USP34: variants seen among roughly 807,000 people sequenced by gnomAD.
USP34 encodes ubiquitin specific peptidase 34, also known as ubiquitin carboxyl-terminal hydrolase 34.
In USP34, 70 loss-of-function variants were observed where a neutral mutation model predicts 460.3. The observed-to-expected ratio is 0.15, with a 90% CI of 0.13 to 0.19. The LOEUF (loss-of-function observed/expected upper bound fraction) is 0.19. Among genes scored for constraint, USP34 ranks in the 10% least tolerant of loss-of-function variants. The probability of loss-of-function intolerance (pLI) is 1.00; values close to 1 mark genes in which losing one functional copy is unlikely to be tolerated. For synonymous variants in USP34, 1,647 were observed against 1,405.3 expected (o/e 1.17, Z -3.85); for missense variants, 3,985 against 4,236.2 (o/e 0.94, Z 1.65).
rs975603053 is a variant in USP34, at chr2:61,329,761, G to A, written c.2930+1515C>T. On this transcript the variant is annotated intron_variant, in intron 20 of 79. Coordinates refer to ENST00000398571, the MANE Select transcript of USP34 (RefSeq NM_014709.4). The stretch of plus-strand genomic sequence containing the variant: ...CAATTTGTAGATAACCTATGTGCCA[G>A]GTACAATTCATTGTATCATTTCATT... Among the ~76,000 whole-genome samples, 11 of 152,134 alleles carry A rather than the reference G, an allele frequency of 7.2e-5. No homozygotes were observed. The East Asian group carries it at 1.2e-3, about 16-fold the overall frequency.
At chr2:61,275,680 A>G (rs953086063) in intron 41 of USP34, among the ~76,000 whole-genome samples, 1 of 152,140 alleles carries the variant, frequency 6.6e-6, no homozygotes, top group Non-Finnish European at 1.5e-5. Flanking sequence ...TAGGTGAAAA[A>G]AAGCAAAGTA....
intron 59 of USP34, 101 bp from the exon 60 acceptor site, chr2:61,229,096 G>T: frequency 1.1e-6 from 1 of 906,438 alleles, no homozygotes; most frequent in South Asian, 3.4e-5. Context: ...TTATCTTTGA[G>T]ATAATGAATA....
At chr2:61,223,012 CT>C (rs1558474492) in intron 64 of USP34, 47 bp downstream of exon 64, 1 of 1,515,398 alleles carries the variant, frequency 6.6e-7, no homozygotes, top group Admixed American at 1.9e-5. Flanking sequence ...TCAGGGTATT[CT>C]TTTTTAAAAT....
intron 5 of USP34, among the ~76,000 whole-genome samples, chr2:61,384,578 T>C (rs1318836171): frequency 6.6e-6 from 1 of 151,796 alleles, no homozygotes; most frequent in Non-Finnish European, 1.5e-5. Context: ...GAGGTTGAGG[T>C]GGGAGATTCG....
intron 67 of USP34, among the ~76,000 whole-genome samples, chr2:61,218,435 C>T (rs1687466177): frequency 6.6e-6 from 1 of 151,920 alleles, no homozygotes; most frequent in Non-Finnish European, 1.5e-5. Flanking sequence ...AGAACAATTT[C>T]AATACACCTC....
At chr2:61,221,372 C>T in intron 66 of USP34, 130 bp downstream of exon 66, 1 of 775,012 alleles carries the variant, frequency 1.3e-6, no homozygotes, top group Non-Finnish European at 2.0e-6. Context: ...CTCTTTTCCT[C>T]CCCAAACCTG....
At chr2:61,196,962 T>C (rs1374754525) in intron 75 of USP34, among the ~76,000 whole-genome samples, 1 of 152,218 alleles carries the variant, frequency 6.6e-6, no homozygotes, top group Non-Finnish European at 1.5e-5. Flanking sequence ...CTGTTATAAG[T>C]ATCTCTATTT....
intron 48 of USP34, among the ~76,000 whole-genome samples, chr2:61,252,551 T>A (rs1688615089): frequency 6.6e-6 from 1 of 152,184 alleles, no homozygotes; most frequent in African/African-American, 2.4e-5. Flanking sequence ...CCACTGCACA[T>A]AAATATCAAA....
At chr2:61,449,577 C>T (rs1295061781) in intron 1 of USP34, among the ~76,000 whole-genome samples, 2 of 151,120 alleles carry the variant, frequency 1.3e-5, no homozygotes, top group South Asian at 2.1e-4. Context: ...TATTACAAAG[C>T]CACAGCAATC....
intron 29 of USP34, among the ~76,000 whole-genome samples, chr2:61,298,752 T>C (rs1166955895): frequency 6.6e-6 from 1 of 151,254 alleles, no homozygotes; most frequent in Non-Finnish European, 1.5e-5. Flanking sequence ...CTCATTTTGC[T>C]GCTTAAAACC....
chr2:61,263,305 C>G (rs111550068), intron 43 of USP34, among the ~76,000 whole-genome samples: 4 of 151,624 alleles, frequency 2.6e-5, no homozygotes, highest in African/African-American at 9.7e-5. Context: ...CTCTGACTCC[C>G]AAGTAGCTGG....
chr2:61,276,742 G>C (rs980157849), intron 41 of USP34, among the ~76,000 whole-genome samples: 3 of 152,126 alleles, frequency 2.0e-5, no homozygotes, highest in African/African-American at 4.8e-5. Flanking sequence ...TTTCCAGTGA[G>C]TCTAATGGAA....
intron 1 of USP34, among the ~76,000 whole-genome samples, chr2:61,457,075 A>C: frequency 6.6e-6 from 1 of 152,066 alleles, no homozygotes; most frequent in East Asian, 1.9e-4. Context: ...CAGGAGTTCA[A>C]GACCAGCCTG....
chr2:61,293,490 G>T lies in USP34; in HGVS notation c.4522C>A (p.Pro1508Thr). 2 of 1,612,724 alleles carry T rather than the reference G, an allele frequency of 1.2e-6. No individual in the cohort carries two copies. Among genetic ancestry groups the T allele is most frequent in the Non-Finnish European group, 1.7e-6 (2 of 1,179,326 alleles). Residue 1508 changes from proline to threonine, a missense_variant, in exon 33 of 80, where the codon CCT becomes ACT. Pro to Thr is a conservative substitution (Grantham distance 38, BLOSUM62 -1). Coordinates refer to ENST00000398571, the MANE Select transcript of USP34 (RefSeq NM_014709.4). ...ACAGTCCATGATTCCTGCTCTTTAGGCTCTAGAATTCCAGAATTAAAAATT... is the reference window on the plus strand; with the variant it reads ...ACAGTCCATGATTCCTGCTCTTTAGTCTCTAGAATTCCAGAATTAAAAATT... ...LEIFNSGILE[P>T]KEQESWTVWQ...
In USP34 at chr2:61,248,544, C is replaced by G; in HGVS notation, c.6361G>C (p.Asp2121His). 2 of 1,582,118 alleles carry G rather than the reference C, an allele frequency of 1.3e-6. No individual in the cohort carries two copies. Among genetic ancestry groups the G allele is most frequent in the Non-Finnish European group, 1.7e-6 (2 of 1,163,212 alleles). ...CTCTCACTCTTTCCCATAAGAAAAT[C>G]TTCTGTATAGGGCGTCATGTCCAAA... ...LRLDMTPYTE[D>H]FLMGKSERKE... The change falls in exon 49 of 80, where the codon GAT becomes CAT. Residue 2121 changes from aspartate (D) to histidine (H), a missense_variant. Coordinates refer to ENST00000398571, the MANE Select transcript of USP34 (RefSeq NM_014709.4).
At chr2:61,288,266 T>G (rs78390974) in intron 34 of USP34, among the ~76,000 whole-genome samples, 1,701 of 152,318 alleles carry the variant, frequency 0.011, 34 homozygotes, top group African/African-American at 0.038. Context: ...CCACAAGATC[T>G]AGGGGTGATA....
chr2:61,341,544 T>G (rs1470109518), intron 16 of USP34, among the ~76,000 whole-genome samples: 1 of 152,044 alleles, frequency 6.6e-6, no homozygotes, highest in East Asian at 1.9e-4. Flanking sequence ...AGATAAGATC[T>G]GGTTGTTTAG....
intron 62 of USP34, 87 bp downstream of exon 62, chr2:61,226,980 A>G: frequency 7.1e-7 from 1 of 1,411,372 alleles, no homozygotes; most frequent in South Asian, 1.5e-5. Flanking sequence ...TATAATAAAA[A>G]GCTAGTGGAA....
At chr2:61,319,852 CA>C (rs1482267559) in intron 21 of USP34, among the ~76,000 whole-genome samples, 1 of 151,434 alleles carries the variant, frequency 6.6e-6, no homozygotes, top group African/African-American at 2.4e-5. Flanking sequence ...TCAAAAAAAC[CA>C]AAAAAAATTC....
Sources: gnomAD v4.1 joint callset for allele counts (sites outside exome capture counted in the v4.1 genomes callset) on GRCh38, gnomAD v4.1.1 for gene constraint, MANE v1.5 for transcripts, NCBI Gene and HGNC (gene_info 2026-07-23, HGNC 2026-07-21) for gene names.